Variants in MYO9B observed in about 807,000 individuals in gnomAD.
The protein encoded by MYO9B is unconventional myosin-IXb.
A neutral mutation model predicts 229.5 loss-of-function variants in MYO9B; 71 were observed. That is an observed-to-expected ratio of 0.31 (90% CI 0.26 to 0.38). The LOEUF (loss-of-function observed/expected upper bound fraction) is 0.38, where lower values mean the gene tolerates loss of function less well. Among genes scored for constraint, MYO9B ranks in the 10% least tolerant of loss-of-function variants. MYO9B has a pLI of 1.00. For synonymous variants in MYO9B, 1,185 were observed against 1,235.8 expected, an observed-to-expected ratio of 0.96 and a Z score of 0.86; for missense variants, 2,255 against 2,920.5, an observed-to-expected ratio of 0.77 and a Z score of 5.25.
chr19:17,134,377 G>GTTTTTT (rs1568267173), intron 2 of MYO9B, among the ~76,000 whole-genome samples: 11 of 39,722 alleles, frequency 2.8e-4, no homozygotes, highest in African/African-American at 9.5e-4. Flanking sequence ...TTTTCGTTTT[G>GTTTTTT]TTTGTTTTTT....
intron 4 of MYO9B, among the ~76,000 whole-genome samples, chr19:17,153,370 G>A (rs1046480311): frequency 2.8e-5 from 4 of 143,750 alleles, no homozygotes; most frequent in Non-Finnish European, 4.5e-5. Flanking sequence ...CCCGGCTAGA[G>A]TCCTTGTCTC....
At chr19:17,154,678 A>C (rs553437128) in intron 6 of MYO9B, among the ~76,000 whole-genome samples, 36 of 152,308 alleles carry the variant, frequency 2.4e-4, no homozygotes, top group Admixed American at 2.3e-3. Context: ...TGGTTTAGCC[A>C]GGCTCCACGT....
intron 1 of MYO9B, among the ~76,000 whole-genome samples, chr19:17,083,727 G>C (rs4808565): frequency 6.7e-6 from 1 of 149,964 alleles, no homozygotes. Context: ...GCTCACTGCA[G>C]CCTCCACCTC....
At chr19:17,179,536 C>T (rs1361094842) in intron 14 of MYO9B, among the ~76,000 whole-genome samples, 2 of 148,632 alleles carry the variant, frequency 1.3e-5, no homozygotes, top group Non-Finnish European at 3.0e-5. Flanking sequence ...AAGCGATTGT[C>T]GTGCCTCAGC....
chr19:17,089,553 A>G (rs1600023639), intron 1 of MYO9B, among the ~76,000 whole-genome samples: 1 of 152,292 alleles, frequency 6.6e-6, no homozygotes, highest in South Asian at 2.1e-4. Flanking sequence ...CTTTCTGTGC[A>G]GCCGGCCTTG....
At chr19:17,105,614 A>G (rs1188779674) in intron 2 of MYO9B, among the ~76,000 whole-genome samples, 1 of 152,124 alleles carries the variant, frequency 6.6e-6, no homozygotes, top group Non-Finnish European at 1.5e-5. Context: ...GGATCCTGAG[A>G]GCCCCCTCAG....
Position 17,089,534 on chromosome 19 carries a change from A to G in MYO9B, c.-58-12126A>G, listed in dbSNP as rs1412697937. On this transcript the variant is annotated intron_variant, in intron 1 of 39. Transcript: ENST00000682292. Reference sequence around the variant, plus strand: ...CGAATCCTCCGCCAAACTGGTAGGCAGAACCCTACTTTCTGTGCAGCCGGC... The same window carrying G: ...CGAATCCTCCGCCAAACTGGTAGGCGGAACCCTACTTTCTGTGCAGCCGGC... Among the ~76,000 whole-genome samples, 4 of 152,308 alleles carry G rather than the reference A, an allele frequency of 2.6e-5. No homozygotes were observed. The East Asian group carries it at 5.8e-4, about 22-fold the overall frequency.
chr19:17,129,388 C>G (rs543579046), intron 2 of MYO9B, among the ~76,000 whole-genome samples: 5 of 151,784 alleles, frequency 3.3e-5, no homozygotes, highest in African/African-American at 9.7e-5. Context: ...GGCGACAGAG[C>G]GAGACAGTTT....
At chr19:17,157,615 C>A in intron 7 of MYO9B, 1 of 158,970 alleles carries the variant, frequency 6.3e-6, no homozygotes, top group Non-Finnish European at 1.4e-5. Flanking sequence ...TGCGGTGGCT[C>A]ATACCTGTAA....
At position 17,114,434 on chromosome 19, in the gene MYO9B, G is replaced by A. The variant is rs146800103; in HGVS notation, c.840+11877G>A. ...CAGGGGACGGTCACTGCTCACCCAC[G>A]ATCAGGCATGTCCTCGTGTCACCGA... On this transcript the variant is annotated intron_variant, in intron 2 of 39. Coordinates refer to ENST00000682292, the MANE Select transcript of MYO9B (RefSeq NM_004145.4). Among the ~76,000 whole-genome samples, 270 of 152,046 alleles carry A rather than the reference G, an allele frequency of 1.8e-3. 1 individual carries two copies. The highest frequency in any genetic ancestry group is 6.1e-3 in the African/African-American group (255 of 41,472).
chr19:17,076,964 C>A (rs1314741097), intron 1 of MYO9B, among the ~76,000 whole-genome samples: 1 of 152,110 alleles, frequency 6.6e-6, no homozygotes. Context: ...TCCTGGGCAC[C>A]CTGGAGGCCA....
At chr19:17,175,029 C>T (rs916271150) in intron 13 of MYO9B, among the ~76,000 whole-genome samples, 1 of 151,884 alleles carries the variant, frequency 6.6e-6, no homozygotes, top group Non-Finnish European at 1.5e-5. Flanking sequence ...GTAGTCCTAG[C>T]ACTTTAGGAG....
At chr19:17,163,993 C>A (rs1374739710) in intron 10 of MYO9B, among the ~76,000 whole-genome samples, 1 of 152,194 alleles carries the variant, frequency 6.6e-6, no homozygotes, top group African/African-American at 2.4e-5. Flanking sequence ...CGGGTATATA[C>A]CCAGAAGTGG....
chr19:17,087,773 C>CA (rs1378259007), intron 1 of MYO9B, among the ~76,000 whole-genome samples: 1 of 152,032 alleles, frequency 6.6e-6, no homozygotes, highest in African/African-American at 2.4e-5. Flanking sequence ...CTAGTAAATA[C>CA]AAAAAAATTA....
At chr19:17,164,036 A>G (rs1471106383) in intron 10 of MYO9B, among the ~76,000 whole-genome samples, 1 of 152,182 alleles carries the variant, frequency 6.6e-6, no homozygotes, top group Admixed American at 6.5e-5. Context: ...TCTGTTTTTA[A>G]CTTTTTTGAA....
chr19:17,153,871 AG>A, intron 4 of MYO9B, 95 bp from the exon 5 acceptor site: 1 of 846,526 alleles, frequency 1.2e-6, no homozygotes, highest in Non-Finnish European at 2.0e-6. Context: ...TACATATTTG[AG>A]GTGTGCTCTC....
At chr19:17,098,129 G>A (rs1178627844) in intron 1 of MYO9B, among the ~76,000 whole-genome samples, 4 of 149,674 alleles carry the variant, frequency 2.7e-5, no homozygotes, top group South Asian at 2.1e-4. Flanking sequence ...ATTGCGGCTC[G>A]CTACAACCTT....
At chr19:17,178,963 G>A (rs1257016643) in intron 14 of MYO9B, among the ~76,000 whole-genome samples, 1 of 149,162 alleles carries the variant, frequency 6.7e-6, no homozygotes, top group East Asian at 2.0e-4. Context: ...CCTGGGAGGC[G>A]GGGTTTGCAG....
intron 2 of MYO9B, among the ~76,000 whole-genome samples, chr19:17,119,038 G>A (rs948684740): frequency 3.3e-5 from 5 of 152,278 alleles, no homozygotes; most frequent in African/African-American, 9.6e-5. Context: ...AGCTCCAGGA[G>A]TTCAGAGGAA....
Sources: allele counts gnomAD v4.1 joint callset (sites outside exome capture counted in the v4.1 genomes callset), GRCh38; gene constraint gnomAD v4.1.1; transcripts MANE v1.5; gene names NCBI Gene and HGNC (gene_info 2026-07-23, HGNC 2026-07-21).